PCDH7: variants seen among roughly 807,000 people sequenced by gnomAD.
PCDH7 encodes the protein protocadherin-7.
A neutral mutation model predicts 58.9 loss-of-function variants in PCDH7; 17 were observed. The ratio of observed to expected loss-of-function variants is 0.29; its 90% CI spans 0.20 to 0.43. The LOEUF is 0.43. Ranked by LOEUF, PCDH7 falls within the 20% of genes least tolerant of loss-of-function variation. The pLI is 1.00. For missense variants in PCDH7, 1,274 were observed against 1,441.0 expected (o/e 0.88, Z 1.88); for synonymous variants, 664 against 616.4 (o/e 1.08, Z -1.14).
intron 3 of PCDH7, among the ~76,000 whole-genome samples, chr4:30,954,480 T>G: frequency 6.6e-6 from 1 of 152,172 alleles, no homozygotes. Flanking sequence ...CTCTGCTTTT[T>G]GACATTCAGT....
rs564336426 is a variant in PCDH7 at position 30,938,312 on chromosome 4, A to T, written c.288-11808A>T. ...TCTCCTTATTGATTGGACTTTATGA[A>T]CTATCTACTTGTACGTGATATGCAT... On this transcript the variant is annotated intron_variant, in intron 2 of 3. Transcript: ENST00000509759. 2.0e-5 allele frequency among the ~76,000 whole-genome samples: 3 copies of T among 152,230 alleles called. No individual in the cohort carries two copies. The East Asian group carries it at 5.8e-4, about 29-fold the overall frequency.
At chr4:31,073,787 A>G (rs1758755694) in intron 3 of PCDH7, among the ~76,000 whole-genome samples, 1 of 152,188 alleles carries the variant, frequency 6.6e-6, no homozygotes, top group South Asian at 2.1e-4. Flanking sequence ...TATGTAAATC[A>G]TAATCCTTTT....
At chr4:30,812,441 C>G (rs1727141797) in intron 1 of PCDH7, among the ~76,000 whole-genome samples, 1 of 152,164 alleles carries the variant, frequency 6.6e-6, no homozygotes, top group Admixed American at 6.5e-5. Context: ...ATACCCTAGT[C>G]AGGACATTAA....
chr4:31,066,181 A>G (rs1053715329), intron 3 of PCDH7, among the ~76,000 whole-genome samples: 16 of 151,902 alleles, frequency 1.1e-4, no homozygotes, highest in African/African-American at 3.9e-4. Flanking sequence ...AACGTGAGAC[A>G]AAGCTATTTT....
intron 3 of PCDH7, among the ~76,000 whole-genome samples, chr4:30,960,082 G>A (rs1748239158): frequency 7.4e-6 from 1 of 134,910 alleles, no homozygotes; most frequent in Non-Finnish European, 1.6e-5. Flanking sequence ...AGGAGGGGAG[G>A]AAGGAAGGAA....
intron 1 of PCDH7, among the ~76,000 whole-genome samples, chr4:30,729,333 G>A (rs979602773): frequency 1.3e-4 from 19 of 151,948 alleles, no homozygotes; most frequent in Non-Finnish European, 1.3e-4. Context: ...TGGCTATGAA[G>A]ATTGACATCT....
chr4:31,014,053 T>G (rs1215765133), intron 3 of PCDH7, among the ~76,000 whole-genome samples: 1 of 152,136 alleles, frequency 6.6e-6, no homozygotes. Flanking sequence ...ATTATGATTT[T>G]GGGGATAGTA....
intron 3 of PCDH7, among the ~76,000 whole-genome samples, chr4:31,010,074 T>C (rs1000252146): frequency 2.6e-5 from 4 of 151,988 alleles, no homozygotes; most frequent in African/African-American, 4.8e-5. Context: ...GCCTTGTGGG[T>C]ATAAACCTCA....
chr4:30,826,417 A>G (rs1165282502), intron 1 of PCDH7, among the ~76,000 whole-genome samples: 1 of 152,034 alleles, frequency 6.6e-6, no homozygotes, highest in Non-Finnish European at 1.5e-5. Flanking sequence ...TCACAGTAAT[A>G]CAGTTTATCA....
intron 2 of PCDH7, among the ~76,000 whole-genome samples, chr4:30,926,491 G>C (rs1381577886): frequency 6.6e-6 from 1 of 152,168 alleles, no homozygotes; most frequent in Admixed American, 6.5e-5. Context: ...GCCAACTTTA[G>C]GTAAATTTGA....
intron 3 of PCDH7, among the ~76,000 whole-genome samples, chr4:31,019,842 C>A (rs559136579): frequency 6.6e-6 from 1 of 152,008 alleles, no homozygotes; most frequent in East Asian, 1.9e-4. Flanking sequence ...GAGAAGAATT[C>A]TGTTAGCTGC....
chr4:30,828,024 A>G (rs1023082665), intron 1 of PCDH7, among the ~76,000 whole-genome samples: 4 of 152,120 alleles, frequency 2.6e-5, no homozygotes, highest in Non-Finnish European at 4.4e-5. Context: ...CCTCATCTAT[A>G]AAATGAGGAT....
At chr4:31,091,448 ATTCC>A (rs1713238240) in intron 3 of PCDH7, among the ~76,000 whole-genome samples, 1 of 151,852 alleles carries the variant, frequency 6.6e-6, no homozygotes, top group African/African-American at 2.4e-5. Flanking sequence ...AGGAACTTGA[ATTCC>A]TTCCTGTGAT....
chr4:31,115,996 C>T (rs533747051), intron 3 of PCDH7, among the ~76,000 whole-genome samples: 1 of 152,248 alleles, frequency 6.6e-6, no homozygotes, highest in South Asian at 2.1e-4. Context: ...GATGTAATAA[C>T]TCTTCATTGT....
rs540971545 is a variant in PCDH7, at chr4:30,754,464, A to G, written c.70+29868A>G. Among the ~76,000 whole-genome samples the G allele has an allele frequency of 1.1e-4, 16 of 152,304 alleles. No individual in the cohort carries two copies. In the South Asian group the frequency reaches 3.3e-3, roughly 32 times the overall value. On this transcript the variant is annotated intron_variant, in intron 1 of 3. Transcript: ENST00000509759. ...TTAGGGTCCAAGGTTTTCTATGCTT[A>G]CAAAAGTTATGAATTAAAGGTCCTA...
intron 3 of PCDH7, among the ~76,000 whole-genome samples, chr4:31,136,793 G>A (rs1223091854): frequency 8.5e-5 from 13 of 152,138 alleles, no homozygotes; most frequent in Non-Finnish European, 8.8e-5. Context: ...AGTTATTTAC[G>A]TGAAAAAGCC....
intron 3 of PCDH7, among the ~76,000 whole-genome samples, chr4:31,126,777 A>G (rs1379082248): frequency 6.6e-6 from 1 of 152,214 alleles, no homozygotes; most frequent in East Asian, 1.9e-4. Flanking sequence ...GTTCACATAA[A>G]TTTTAAGTGT....
At chr4:31,057,525 T>A (rs1757353465) in intron 3 of PCDH7, among the ~76,000 whole-genome samples, 1 of 152,146 alleles carries the variant, frequency 6.6e-6, no homozygotes. Flanking sequence ...ATGATTAAGG[T>A]CACATGCCAG....
intron 3 of PCDH7, among the ~76,000 whole-genome samples, chr4:31,115,826 A>G (rs1235911550): frequency 1.3e-5 from 2 of 152,224 alleles, no homozygotes; most frequent in Non-Finnish European, 2.9e-5. Flanking sequence ...GCCAGCTCAG[A>G]AAATTCAGTC....
Sources: allele counts gnomAD v4.1 joint callset (sites outside exome capture counted in the v4.1 genomes callset), GRCh38; gene constraint gnomAD v4.1.1; transcripts MANE v1.5; gene names NCBI Gene and HGNC (gene_info 2026-07-23, HGNC 2026-07-21).